SLC30A6: variants seen among roughly 807,000 people sequenced by gnomAD.
The protein encoded by SLC30A6 is zinc transporter 6.
Under a neutral mutation model 63.0 loss-of-function variants are expected in SLC30A6, and 55 were observed. That is an observed-to-expected ratio of 0.87 (90% CI 0.70 to 1.09). The LOEUF (loss-of-function observed/expected upper bound fraction) is 1.09, where lower values mean the gene tolerates loss of function less well. Ranked by LOEUF, SLC30A6 falls within the 50% of genes least tolerant of loss-of-function variation. SLC30A6 has a pLI of 0.00. For missense variants in SLC30A6, 587 were observed against 549.2 expected (o/e 1.07, Z -0.69); for synonymous variants, 224 against 186.1 (o/e 1.20, Z -1.66).
chr2:32,187,929 C>CT (rs753495716), intron 5 of SLC30A6, among the ~76,000 whole-genome samples: 2 of 152,202 alleles, frequency 1.3e-5, no homozygotes, highest in Non-Finnish European at 2.9e-5. Context: ...GACCAAGCTA[C>CT]TTTCATTTAC....
Position 32,221,565 on chromosome 2 carries a change from A to T in SLC30A6, c.*852A>T, listed in dbSNP as rs1224525888. ...TAAAAGTCTCTTTTATAGCTTTTCC[A>T]AACTTAATTGCTAAATTTTTCTTTG... On this transcript the variant is annotated 3_prime_UTR_variant, in exon 14 of 14. Transcript: ENST00000282587. 6.6e-6 allele frequency: 1 copy of T among 152,234 alleles called. No homozygotes were observed. Among genetic ancestry groups the T allele is most frequent in the Non-Finnish European group, 1.5e-5 (1 of 68,040 alleles). The allele number at this position is 152,234 out of a possible 1,614,324, so 9.4% of individuals were successfully genotyped here. A position where few individuals can be genotyped will look rare whatever the true frequency, so the allele number is the denominator to read the frequency against.
chr2:32,196,057 G>C (rs964063757), intron 8 of SLC30A6, among the ~76,000 whole-genome samples: 1 of 152,188 alleles, frequency 6.6e-6, no homozygotes, highest in Non-Finnish European at 1.5e-5. Context: ...GCTCACACCT[G>C]TAATCCCAGC....
In SLC30A6 at chr2:32,204,622, T is replaced by C; in HGVS notation, c.698T>C (p.Ile233Thr). The change falls in exon 11 of 14, where the codon ATA becomes ACA. Residue 233 changes from isoleucine (I) to threonine (T), a missense_variant. Coordinates refer to ENST00000282587, the MANE Select transcript of SLC30A6 (RefSeq NM_017964.5). ...TTTGCCGTAGACACTGCCTCTGCTA[T>C]AGCTATTGCCTTGATGACATTTGGC... is the stretch of plus-strand genomic sequence containing the variant. ...NYFAVDTASAIAIALMTFGTM... is the reference protein window; with the variant it reads ...NYFAVDTASATAIALMTFGTM... 1 of 1,612,356 alleles carries C rather than the reference T, an allele frequency of 6.2e-7. No homozygotes were observed. Among genetic ancestry groups the C allele is most frequent in the Non-Finnish European group, 8.5e-7 (1 of 1,178,992 alleles).
intron 10 of SLC30A6, 35 bp downstream of exon 10, chr2:32,197,861 A>G: frequency 1.2e-6 from 2 of 1,609,360 alleles, no homozygotes; most frequent in Non-Finnish European, 1.7e-6. Flanking sequence ...GTATGTTTTG[A>G]TTTCTGGGGA....
At position 32,196,241 on chromosome 2, in the gene SLC30A6, G is replaced by A. The variant is rs1683776472; in HGVS notation, c.497-1103G>A. On this transcript the variant is annotated intron_variant, in intron 8 of 13. Transcript: ENST00000282587. ...GAGGCAGGAGAATCCCTTGAACCCG[G>A]TAGGCGGAGGTTGCAGTGAGCCGAG... 3.3e-5 allele frequency among the ~76,000 whole-genome samples: 5 copies of A among 152,004 alleles called. No homozygotes were observed. The South Asian group carries it at 1.0e-3, about 32-fold the overall frequency.
intron 13 of SLC30A6, among the ~76,000 whole-genome samples, chr2:32,213,188 C>T (rs920472322): frequency 2.0e-5 from 3 of 151,682 alleles, no homozygotes; most frequent in African/African-American, 7.2e-5. Flanking sequence ...ATTACAGGCA[C>T]GAGCCACTGT....
intron 10 of SLC30A6, among the ~76,000 whole-genome samples, chr2:32,200,154 C>G (rs892050565): frequency 6.6e-6 from 1 of 151,966 alleles, no homozygotes; most frequent in Non-Finnish European, 1.5e-5. Flanking sequence ...TATTTGTCCC[C>G]TCTTTCCCAT....
chr2:32,165,962 G>A, intron 1 of SLC30A6, 59 bp downstream of exon 1: 1 of 1,613,218 alleles, frequency 6.2e-7, no homozygotes, highest in Non-Finnish European at 8.5e-7. Flanking sequence ...ATCTTATTTG[G>A]TCCCGAAGCG....
chr2:32,173,851 A>G (rs1265889687), intron 2 of SLC30A6, among the ~76,000 whole-genome samples: 1 of 152,222 alleles, frequency 6.6e-6, no homozygotes, highest in Non-Finnish European at 1.5e-5. Flanking sequence ...TTTCTCTTGA[A>G]CAACTCTCCT....
intron 10 of SLC30A6, chr2:32,202,611 G>T (rs763503971): frequency 8.5e-6 from 4 of 471,692 alleles, no homozygotes; most frequent in Non-Finnish European, 1.2e-5. Context: ...GATTGCAGGC[G>T]TGAACCACTG....
At chr2:32,177,502 G>T in intron 4 of SLC30A6, 1 of 246,544 alleles carries the variant, frequency 4.1e-6, no homozygotes, top group Non-Finnish European at 8.5e-6. Context: ...ATTTTGGCTG[G>T]GCTGGTCTCA....
At chr2:32,177,324 T>C (rs1230481333) in intron 4 of SLC30A6, among the ~76,000 whole-genome samples, 1 of 149,596 alleles carries the variant, frequency 6.7e-6, no homozygotes, top group Non-Finnish European at 1.5e-5. Flanking sequence ...TTACTCTTTC[T>C]TTTTTTTTTG....
intron 5 of SLC30A6, 44 bp downstream of exon 5, chr2:32,184,382 A>C (rs754096517): frequency 1.8e-6 from 2 of 1,127,238 alleles, no homozygotes; most frequent in Admixed American, 4.9e-5. Flanking sequence ...ATGACTACTA[A>C]AATATTATTT....
Position 32,221,547 on chromosome 2 carries a change from C to G in SLC30A6, c.*834C>G, listed in dbSNP as rs190228593. The G allele has an allele frequency of 6.6e-6, 1 of 152,156 alleles. No homozygotes were observed. The highest frequency in any genetic ancestry group is 2.4e-5 in the African/African-American group (1 of 41,434). The allele number at this position is 152,156 out of a possible 1,614,324, so 9.4% of individuals were successfully genotyped here. On this transcript the variant is annotated 3_prime_UTR_variant, in exon 14 of 14. Coordinates refer to ENST00000282587, the MANE Select transcript of SLC30A6 (RefSeq NM_017964.5). ...AAATGTCTGTTCAAAAAGTAAAAGT[C>G]TCTTTTATAGCTTTTCCAAACTTAA...
At chr2:32,167,062 T>TTTTAC (rs1680733767) in intron 1 of SLC30A6, among the ~76,000 whole-genome samples, 2 of 152,104 alleles carry the variant, frequency 1.3e-5, no homozygotes, top group Non-Finnish European at 2.9e-5. Flanking sequence ...AGCTTCTTAC[T>TTTTAC]TTTACAGCCT....
intron 11 of SLC30A6, among the ~76,000 whole-genome samples, chr2:32,205,390 A>G (rs1370005642): frequency 6.6e-6 from 1 of 152,178 alleles, no homozygotes; most frequent in Non-Finnish European, 1.5e-5. Flanking sequence ...CACTGCATCC[A>G]GCCTGGGTGA....
intron 12 of SLC30A6, among the ~76,000 whole-genome samples, chr2:32,207,608 C>T (rs1467037555): frequency 1.3e-5 from 2 of 151,622 alleles, no homozygotes; most frequent in Non-Finnish European, 2.9e-5. Flanking sequence ...AACTCCTGAC[C>T]TTGTGATCCA....
rs778820509 is a variant in SLC30A6, at chr2:32,203,138, C to T, written c.666-1452C>T. The stretch of plus-strand genomic sequence containing the variant: ...GTTTTAAAGTTTTGGTGGCAACCAA[C>T]GTGGCTGCCTGTGGTTTGGACATTC... On this transcript the variant is annotated intron_variant, in intron 10 of 13. Transcript: ENST00000282587. 4.1e-5 allele frequency: 52 copies of T among 1,272,216 alleles called. 1 individual carries two copies. Among genetic ancestry groups the T allele is most frequent in the Middle Eastern group, 4.7e-4 (2 of 4,212 alleles). 78.8% of individuals were successfully genotyped at this position (1,272,216 alleles called of 1,614,324 possible). A position where few individuals can be genotyped will look rare whatever the true frequency, so the allele number is the denominator to read the frequency against.
In SLC30A6 at chr2:32,194,784, A is replaced by G. The variant is rs149204510; in HGVS notation, c.496+801A>G. The stretch of plus-strand genomic sequence containing the variant: ...AAGATAAATTGTGTTTGTATGAGTT[A>G]AAGAAGTACTGCATGAATTAGAAAA... On this transcript the variant is annotated intron_variant, in intron 8 of 13. Coordinates refer to ENST00000282587, the MANE Select transcript of SLC30A6 (RefSeq NM_017964.5). 6.0e-4 allele frequency among the ~76,000 whole-genome samples: 91 copies of G among 152,358 alleles called. No individual in the cohort carries two copies. In the East Asian group the frequency reaches 0.012, roughly 19 times the overall value.
Sources: allele counts gnomAD v4.1 joint callset (sites outside exome capture counted in the v4.1 genomes callset), GRCh38; gene constraint gnomAD v4.1.1; transcripts MANE v1.5; gene names NCBI Gene and HGNC (gene_info 2026-07-23, HGNC 2026-07-21).